EPSTI1: variants seen among roughly 807,000 people sequenced by gnomAD.
EPSTI1 encodes epithelial stromal interaction 1.
Under a neutral mutation model 49.9 loss-of-function variants are expected in EPSTI1, and 66 were observed. The observed-to-expected ratio is 1.32, with a 90% CI of 1.08 to 1.62. The LOEUF is 1.62. Among genes scored for constraint, EPSTI1 ranks in the 40% most tolerant of loss-of-function variants. The pLI is 0.00. For synonymous variants in EPSTI1, 137 were observed against 130.7 expected (o/e 1.05, Z -0.33); for missense variants, 394 against 365.5 (o/e 1.08, Z -0.64).
At chr13:42,990,775 G>C (rs1422761341) in intron 1 of EPSTI1, among the ~76,000 whole-genome samples, 2 of 152,150 alleles carry the variant, frequency 1.3e-5, no homozygotes, top group African/African-American at 4.8e-5. Context: ...CGGCCATAAG[G>C]TTATATACTG....
Position 42,964,082 on chromosome 13 carries a change from G to C in EPSTI1, c.389C>G (p.Ser130Cys). The change falls in exon 4 of 11, where the codon TCT becomes TGT. Residue 130 changes from serine (S) to cysteine (C), a missense_variant. Physicochemically the swap from Ser to Cys is moderately radical, Grantham distance 112. Coordinates refer to ENST00000313624, the MANE Select transcript of EPSTI1 (RefSeq NM_033255.5). ...AATTCTGACCTTTTGCTTGTATTTA[G>C]ATTGCATCAGCTGGAGTTGTTGTTT... ...RQKQQLQLMQ[S>C]KYKQKLKREE... The C allele has an allele frequency of 6.2e-7, 1 of 1,613,364 alleles. No individual in the cohort carries two copies. Among genetic ancestry groups the C allele is most frequent in the South Asian group, 1.1e-5 (1 of 90,988 alleles).
chr13:42,991,975 C>T lies in EPSTI1; in HGVS notation c.188+3G>A, dbSNP rs1388985091. ...CCCGAAGCCAGGTTGTTAAAATACT[C>T]ACCGCCTCTGGCCCGCGTGCACGAC... On this transcript the variant is annotated splice_donor_region_variant and intron_variant, in intron 1 of 10. Coordinates refer to ENST00000313624, the MANE Select transcript of EPSTI1 (RefSeq NM_033255.5). 1.2e-6 allele frequency: 2 copies of T among 1,612,502 alleles called. No individual in the cohort carries two copies. Among genetic ancestry groups the T allele is most frequent in the Non-Finnish European group, 1.7e-6 (2 of 1,179,838 alleles).
At chr13:42,926,497 T>C in intron 6 of EPSTI1, 68 bp from the exon 7 acceptor site, 1 of 899,982 alleles carries the variant, frequency 1.1e-6, no homozygotes, top group Non-Finnish European at 1.9e-6. Context: ...ATTTTTCCTT[T>C]GGATACTAAC....
chr13:42,906,271 T>C (rs1375704580), intron 8 of EPSTI1, among the ~76,000 whole-genome samples: 1 of 138,246 alleles, frequency 7.2e-6, no homozygotes, highest in Non-Finnish European at 1.7e-5. Flanking sequence ...GGGTCAACTA[T>C]ACAACAGACA....
intron 10 of EPSTI1, among the ~76,000 whole-genome samples, chr13:42,890,328 C>T (rs1303832112): frequency 1.5e-5 from 2 of 131,998 alleles, no homozygotes; most frequent in Non-Finnish European, 3.1e-5. Flanking sequence ...GAAAGAGTCT[C>T]GCTCTGTCAC....
intron 8 of EPSTI1, among the ~76,000 whole-genome samples, chr13:42,903,611 C>G (rs2037421081): frequency 6.6e-6 from 1 of 152,130 alleles, no homozygotes; most frequent in Non-Finnish European, 1.5e-5. Context: ...TAGGAAGAGA[C>G]ATGATACATA....
chr13:42,990,601 A>G (rs1000561838), intron 1 of EPSTI1, among the ~76,000 whole-genome samples: 10 of 152,328 alleles, frequency 6.6e-5, no homozygotes, highest in East Asian at 1.9e-4. Context: ...GGCTGCTTCT[A>G]CTGTGGCGAG....
intron 1 of EPSTI1, among the ~76,000 whole-genome samples, chr13:42,981,461 A>G (rs777350619): frequency 1.3e-5 from 2 of 152,198 alleles, no homozygotes; most frequent in Non-Finnish European, 2.9e-5. Context: ...CAGCTGCCAA[A>G]GACTTTTTAG....
chr13:42,979,593 A>G (rs2039949707), intron 1 of EPSTI1, among the ~76,000 whole-genome samples: 1 of 123,750 alleles, frequency 8.1e-6, no homozygotes, highest in Non-Finnish European at 1.7e-5. Context: ...TCAAAAAAAA[A>G]AAAAAAAAAG....
At chr13:42,912,787 G>A (rs558457642) in intron 8 of EPSTI1, among the ~76,000 whole-genome samples, 1 of 151,694 alleles carries the variant, frequency 6.6e-6, no homozygotes, top group South Asian at 2.1e-4. Flanking sequence ...TTAGTGAGCA[G>A]GATGATCTAG....
intron 1 of EPSTI1, among the ~76,000 whole-genome samples, chr13:42,974,376 G>A (rs1244120858): frequency 6.6e-6 from 1 of 151,926 alleles, no homozygotes; most frequent in Non-Finnish European, 1.5e-5. Flanking sequence ...ATGTTTTCCT[G>A]GCCGGGCGCG....
chr13:42,930,723 T>TAAAAATATAAAGA (rs2038336055), intron 6 of EPSTI1, among the ~76,000 whole-genome samples: 2 of 152,108 alleles, frequency 1.3e-5, no homozygotes, highest in Non-Finnish European at 1.5e-5. Flanking sequence ...AGAAATTAGA[T>TAAAAATATAAAGA]AAAAATATAA....
intron 7 of EPSTI1, chr13:42,919,282 A>G: frequency 3.1e-6 from 5 of 1,613,222 alleles, no homozygotes; most frequent in Non-Finnish European, 4.2e-6. Flanking sequence ...GTTACTTGCA[A>G]TCCTAATGTT....
intron 9 of EPSTI1, among the ~76,000 whole-genome samples, chr13:42,899,669 C>A (rs543015022): frequency 6.6e-6 from 1 of 152,288 alleles, no homozygotes; most frequent in Admixed American, 6.5e-5. Context: ...CTCAAGTACA[C>A]CCCTAATGAA....
At chr13:42,951,381 A>C (rs565523176) in intron 6 of EPSTI1, among the ~76,000 whole-genome samples, 1 of 152,340 alleles carries the variant, frequency 6.6e-6, no homozygotes, top group African/African-American at 2.4e-5. Flanking sequence ...CCTCACACAT[A>C]TACCTCTTCT....
At chr13:42,902,786 G>A (rs1399588199) in intron 8 of EPSTI1, among the ~76,000 whole-genome samples, 3 of 152,162 alleles carry the variant, frequency 2.0e-5, no homozygotes, top group Non-Finnish European at 2.9e-5. Context: ...CACAGTTTTA[G>A]TAACTTGTCA....
At position 42,984,307 on chromosome 13, in the gene EPSTI1, A is replaced by G. The variant is rs547353121; in HGVS notation, c.188+7671T>C. On this transcript the variant is annotated intron_variant, in intron 1 of 10. Transcript: ENST00000313624. Reference sequence around the variant, plus strand: ...GATGCATTCAGGCCACTTAGCATCTATAAGCAGAATTTTATTCTCATAATC... The same window carrying G: ...GATGCATTCAGGCCACTTAGCATCTGTAAGCAGAATTTTATTCTCATAATC... 7.9e-5 allele frequency among the ~76,000 whole-genome samples: 12 copies of G among 152,382 alleles called. No individual in the cohort carries two copies. In the South Asian group the frequency reaches 1.4e-3, roughly 18 times the overall value.
At chr13:42,981,468 T>C (rs1343807481) in intron 1 of EPSTI1, among the ~76,000 whole-genome samples, 3 of 152,224 alleles carry the variant, frequency 2.0e-5, no homozygotes, top group Admixed American at 2.0e-4. Flanking sequence ...CAAAGACTTT[T>C]TAGCAATTCC....
chr13:42,901,286 A>G (rs2037344636), intron 8 of EPSTI1, among the ~76,000 whole-genome samples: 1 of 152,204 alleles, frequency 6.6e-6, no homozygotes, highest in African/African-American at 2.4e-5. Flanking sequence ...TTCCTTGATG[A>G]AAAGTATACA....
Sources: allele counts gnomAD v4.1 joint callset (sites outside exome capture counted in the v4.1 genomes callset), GRCh38; gene constraint gnomAD v4.1.1; transcripts MANE v1.5; gene names NCBI Gene and HGNC (gene_info 2026-07-23, HGNC 2026-07-21).